Variants in STAG1 observed in about 807,000 individuals in gnomAD.
STAG1 encodes STAG1 cohesin complex component, also known as cohesin subunit SA-1.
Under a neutral mutation model 170.9 loss-of-function variants are expected in STAG1, and 26 were observed. The ratio of observed to expected loss-of-function variants is 0.15; its 90% CI spans 0.11 to 0.21. STAG1 has a LOEUF of 0.21. STAG1 is among the 10% of genes least tolerant of loss of function. STAG1 has a pLI of 1.00. For synonymous variants in STAG1, 514 were observed against 497.7 expected, an observed-to-expected ratio of 1.03 and a Z score of -0.44; for missense variants, 964 against 1,509.5, an observed-to-expected ratio of 0.64 and a Z score of 5.99.
intron 1 of STAG1, among the ~76,000 whole-genome samples, chr3:136,744,833 A>C (rs1040852127): frequency 6.6e-6 from 1 of 151,668 alleles, no homozygotes; most frequent in African/African-American, 2.4e-5. Context: ...ATGCCACCAC[A>C]CCCAGCTAAT....
intron 1 of STAG1, among the ~76,000 whole-genome samples, chr3:136,723,812 G>A (rs1286271120): frequency 1.4e-5 from 2 of 144,578 alleles, no homozygotes; most frequent in African/African-American, 2.6e-5. Flanking sequence ...CCGGCCAGCC[G>A]CCCCGTCCGG....
intron 1 of STAG1, among the ~76,000 whole-genome samples, chr3:136,747,093 T>TAAAA (rs71134408): frequency 0.014 from 851 of 59,190 alleles, 89 homozygotes; most frequent in African/African-American, 0.034. Context: ...TGAAACTGTC[T>TAAAA]AAAAAAAAAA....
At chr3:136,596,657 A>AT (rs1938442055) in intron 4 of STAG1, among the ~76,000 whole-genome samples, 1 of 152,214 alleles carries the variant, frequency 6.6e-6, no homozygotes, top group Non-Finnish European at 1.5e-5. Flanking sequence ...TTCACACTTT[A>AT]TAAGTACTGT....
intron 9 of STAG1, among the ~76,000 whole-genome samples, chr3:136,492,818 T>C (rs1043233254): frequency 6.6e-6 from 1 of 152,222 alleles, no homozygotes; most frequent in Non-Finnish European, 1.5e-5. Flanking sequence ...AGTAAGTGTA[T>C]TTGTATTTTC....
chr3:136,737,547 C>T (rs912348471), intron 1 of STAG1, among the ~76,000 whole-genome samples: 6 of 152,210 alleles, frequency 3.9e-5, no homozygotes, highest in Admixed American at 1.3e-4. Context: ...CTTGCCTCTG[C>T]ATTTTATGTT....
At chr3:136,342,354 T>A (rs563785618) in intron 30 of STAG1, among the ~76,000 whole-genome samples, 16 of 152,140 alleles carry the variant, frequency 1.1e-4, no homozygotes, top group Non-Finnish European at 1.5e-5. Context: ...TTCTCACTCT[T>A]GTCACCCAGG....
intron 1 of STAG1, among the ~76,000 whole-genome samples, chr3:136,716,368 C>T (rs1406824100): frequency 3.3e-5 from 5 of 151,978 alleles, no homozygotes; most frequent in Non-Finnish European, 7.4e-5. Context: ...GAGGCTGAGA[C>T]AGTAGAATTA....
intron 4 of STAG1, among the ~76,000 whole-genome samples, chr3:136,579,927 G>A (rs960292143): frequency 6.7e-6 from 1 of 148,828 alleles, no homozygotes; most frequent in South Asian, 2.1e-4. Flanking sequence ...ACAGAACAGG[G>A]GATTGCTATT....
chr3:136,486,110 G>C (rs572077369), intron 9 of STAG1, among the ~76,000 whole-genome samples: 1 of 152,286 alleles, frequency 6.6e-6, no homozygotes, highest in East Asian at 1.9e-4. Flanking sequence ...ATATAGGACA[G>C]AAAATACCAA....
intron 1 of STAG1, among the ~76,000 whole-genome samples, chr3:136,747,093 T>TTAAA (rs1246647616): frequency 1.7e-5 from 1 of 59,322 alleles, no homozygotes; most frequent in Non-Finnish European, 2.9e-5. Context: ...TGAAACTGTC[T>TTAAA]AAAAAAAAAA....
At chr3:136,465,649 C>A (rs1162066003) in intron 12 of STAG1, among the ~76,000 whole-genome samples, 1 of 144,970 alleles carries the variant, frequency 6.9e-6, no homozygotes, top group African/African-American at 2.6e-5. Flanking sequence ...CATACTAAAA[C>A]CAACAAAATC....
chr3:136,600,295 CT>C (rs1180574186), intron 4 of STAG1, among the ~76,000 whole-genome samples: 1 of 152,196 alleles, frequency 6.6e-6, no homozygotes, highest in African/African-American at 2.4e-5. Flanking sequence ...TTCCTTCAGC[CT>C]GCTTTACAAA....
chr3:136,739,727 G>C (rs879839731), intron 1 of STAG1, among the ~76,000 whole-genome samples: 45 of 151,908 alleles, frequency 3.0e-4, no homozygotes, highest in Non-Finnish European at 5.9e-5. Context: ...GAGAGGCTGA[G>C]GCAGGAGAAT....
intron 1 of STAG1, among the ~76,000 whole-genome samples, chr3:136,668,794 G>A (rs976095839): frequency 6.6e-6 from 1 of 152,178 alleles, no homozygotes; most frequent in African/African-American, 2.4e-5. Flanking sequence ...CAATCCCAAA[G>A]GCTCTGCAGC....
chr3:136,470,442 T>C (rs2089596539), intron 12 of STAG1, among the ~76,000 whole-genome samples: 1 of 152,098 alleles, frequency 6.6e-6, no homozygotes, highest in Non-Finnish European at 1.5e-5. Flanking sequence ...TGAGATACCA[T>C]CTCACACCAG....
At chr3:136,367,108 T>C (rs779470248) in intron 24 of STAG1, 26 bp from the exon 25 acceptor site, 6 of 1,568,082 alleles carry the variant, frequency 3.8e-6, no homozygotes, top group African/African-American at 1.4e-5. Context: ...AAATTGGTTA[T>C]GAATTCTGGT....
chr3:136,393,766 T>C (rs2087074270), intron 22 of STAG1, among the ~76,000 whole-genome samples: 1 of 151,926 alleles, frequency 6.6e-6, no homozygotes. Context: ...TGGCTAATTT[T>C]TGTATTTTTA....
At chr3:136,575,363 C>G (rs1937415338) in intron 4 of STAG1, among the ~76,000 whole-genome samples, 1 of 152,134 alleles carries the variant, frequency 6.6e-6, no homozygotes, top group African/African-American at 2.4e-5. Flanking sequence ...TAGCTGGGAA[C>G]AGAGGCATAT....
chr3:136,679,296 T>C (rs1048298625), intron 1 of STAG1, among the ~76,000 whole-genome samples: 1 of 151,950 alleles, frequency 6.6e-6, no homozygotes, highest in African/African-American at 2.4e-5. Flanking sequence ...AAAAGCAGCA[T>C]GGGCCAGGCA....
Sources: allele counts gnomAD v4.1 joint callset (sites outside exome capture counted in the v4.1 genomes callset), GRCh38; gene constraint gnomAD v4.1.1; transcripts MANE v1.5; gene names NCBI Gene and HGNC (gene_info 2026-07-23, HGNC 2026-07-21).